Variants in INSC observed in about 807,000 individuals in gnomAD.
INSC encodes the protein INSC spindle orientation adaptor protein.
A neutral mutation model predicts 58.6 loss-of-function variants in INSC; 67 were observed. That is an observed-to-expected ratio of 1.14 (90% CI 0.94 to 1.40). The LOEUF (loss-of-function observed/expected upper bound fraction) is 1.40. INSC is among the 40% of genes most tolerant of loss of function. INSC has a pLI of 0.00. For synonymous variants in INSC, 262 were observed against 276.1 expected (o/e 0.95, Z 0.51); for missense variants, 714 against 692.0 (o/e 1.03, Z -0.36).
the INSC span, among the ~76,000 whole-genome samples, chr11:15,260,679 G>A: frequency 6.6e-6 from 1 of 152,094 alleles, no homozygotes; most frequent in Non-Finnish European, 1.5e-5. Flanking sequence ...TTATATTGAG[G>A]TAATAGAGAT....
In INSC at chr11:15,190,681, A is replaced by C. The variant is rs1337142235; in HGVS notation, c.580-20A>C. The C allele has an allele frequency of 6.4e-7, 1 of 1,564,388 alleles. No homozygotes were observed. Among genetic ancestry groups the C allele is most frequent in the African/African-American group, 1.4e-5 (1 of 73,874 alleles). On this transcript the variant is annotated intron_variant, in intron 5 of 12. Transcript: ENST00000379556. The stretch of plus-strand genomic sequence containing the variant: ...AGAGGTGGTGAGTAACTACTAGCTA[A>C]CTTTTCTCTCTCTTCTTAGGCACTG...
chr11:15,238,393 C>G (rs1162217539), intron 10 of INSC, among the ~76,000 whole-genome samples: 1 of 152,178 alleles, frequency 6.6e-6, no homozygotes, highest in Non-Finnish European at 1.5e-5. Flanking sequence ...CTGGACCTGT[C>G]TCAGAAGCAG....
upstream of INSC, chr11:15,112,524 G>A (rs751017681): frequency 1.2e-6 from 2 of 1,612,596 alleles, no homozygotes; most frequent in African/African-American, 2.7e-5. Flanking sequence ...AGGTGGCTGG[G>A]GTCTATGGGG....
downstream of INSC, among the ~76,000 whole-genome samples, chr11:15,251,124 G>A (rs1015306224): frequency 3.3e-5 from 5 of 152,196 alleles, no homozygotes; most frequent in African/African-American, 4.8e-5. Flanking sequence ...TAATAGCTGT[G>A]AAAACCAGCA....
upstream of INSC, chr11:15,112,425 G>C (rs771671812): frequency 2.7e-6 from 4 of 1,494,830 alleles, no homozygotes; most frequent in South Asian, 5.0e-5. Flanking sequence ...GTTCACAGGG[G>C]CCTCTGTAAG....
Position 15,246,173 on chromosome 11 carries a change from T to A in INSC, c.*133T>A. On this transcript the variant is annotated 3_prime_UTR_variant, in exon 13 of 13. Transcript: ENST00000379556. ...TTAACTTATTTTTGTGTGAAATAAA[T>A]GGAGGACAAAATCTTAGAGCAACAT... 1.0e-6 allele frequency: 1 copy of A among 957,294 alleles called. No individual in the cohort carries two copies. The highest frequency in any genetic ancestry group is 1.5e-6 in the Non-Finnish European group (1 of 662,592). The allele number at this position is 957,294 out of a possible 1,614,324, so 59.3% of individuals were successfully genotyped here.
At chr11:15,151,945 G>A (rs148670460) in intron 2 of INSC, among the ~76,000 whole-genome samples, 250 of 152,258 alleles carry the variant, frequency 1.6e-3, no homozygotes, top group African/African-American at 5.7e-3. Context: ...AGTCAGGGTG[G>A]CAATACTGAT....
intron 8 of INSC, among the ~76,000 whole-genome samples, chr11:15,222,356 A>T (rs1387936616): frequency 6.6e-6 from 1 of 151,894 alleles, no homozygotes; most frequent in Admixed American, 6.6e-5. Context: ...TTTCTCTGGC[A>T]CTCTCTTTGT....
At chr11:15,229,994 TA>T (rs1441318073) in intron 9 of INSC, among the ~76,000 whole-genome samples, 17 of 27,488 alleles carry the variant, frequency 6.2e-4, no homozygotes, top group African/African-American at 2.3e-3. Context: ...TATATATATA[TA>T]TATATATATA....
At chr11:15,197,152 A>G (rs1850401801) in intron 6 of INSC, among the ~76,000 whole-genome samples, 1 of 152,228 alleles carries the variant, frequency 6.6e-6, no homozygotes, top group Admixed American at 6.5e-5. Flanking sequence ...TAAATAATTT[A>G]TTCAAGGTCA....
the INSC span, among the ~76,000 whole-genome samples, chr11:15,266,324 A>G: frequency 2.6e-5 from 4 of 151,992 alleles, no homozygotes; most frequent in Non-Finnish European, 4.4e-5. Context: ...CAGAATAAAA[A>G]CATTTCCAGA....
At chr11:15,177,196 C>T (rs1849602318) in intron 4 of INSC, 33 bp downstream of exon 4, 2 of 1,574,656 alleles carry the variant, frequency 1.3e-6, no homozygotes, top group East Asian at 2.2e-5. Flanking sequence ...CCAGGGTCTG[C>T]CCACCCGACC....
At chr11:15,174,042 C>T (rs1849491123) in intron 2 of INSC, among the ~76,000 whole-genome samples, 1 of 152,192 alleles carries the variant, frequency 6.6e-6, no homozygotes, top group African/African-American at 2.4e-5. Context: ...TTGTCCAACA[C>T]AGCCCCATAG....
intron 2 of INSC, among the ~76,000 whole-genome samples, chr11:15,154,928 T>G (rs905117270): frequency 7.2e-5 from 11 of 152,226 alleles, no homozygotes; most frequent in Non-Finnish European, 1.6e-4. Context: ...GTTTGCCTTG[T>G]GGCTGGGATG....
chr11:15,183,718 G>C (rs1849865116), intron 5 of INSC, among the ~76,000 whole-genome samples: 1 of 152,134 alleles, frequency 6.6e-6, no homozygotes, highest in Admixed American at 6.5e-5. Context: ...AAGAGCCAAA[G>C]ACTCTAAAGG....
Position 15,240,828 on chromosome 11 carries a change from C to T in INSC, c.1470+305C>T, listed in dbSNP as rs554113568. 9.6e-4 allele frequency among the ~76,000 whole-genome samples: 146 copies of T among 152,240 alleles called. 1 individual carries two copies. The highest frequency in any genetic ancestry group is 3.2e-3 in the African/African-American group (133 of 41,546). On this transcript the variant is annotated intron_variant, in intron 12 of 12. Transcript: ENST00000379556. ...AGGTTCCTGTGGAACGCTAGCTGGT[C>T]GTGTCTATGTCATGGTGCCTGCAGA...
the INSC span, among the ~76,000 whole-genome samples, chr11:15,260,671 A>T: frequency 1.3e-5 from 2 of 152,190 alleles, no homozygotes; most frequent in Non-Finnish European, 2.9e-5. Flanking sequence ...TTATTGTGTT[A>T]TATTGAGGTA....
At chr11:15,193,228 A>G (rs1232400250) in intron 6 of INSC, among the ~76,000 whole-genome samples, 1 of 152,246 alleles carries the variant, frequency 6.6e-6, no homozygotes, top group Non-Finnish European at 1.5e-5. Flanking sequence ...AATTATTTAG[A>G]AAAGTGAGTT....
In INSC at chr11:15,231,365, A is replaced by C. The variant is rs150581930; in HGVS notation, c.1171-4237A>C. On this transcript the variant is annotated intron_variant, in intron 9 of 12. Coordinates refer to ENST00000379556, the MANE Select transcript of INSC (RefSeq NM_001042536.3). ...AAGAATTGTCTTGGGCCACACATAA[A>C]ATACACTAACACTAACAACAGCTGA... Among the ~76,000 whole-genome samples the C allele has an allele frequency of 3.1e-3, 467 of 152,300 alleles. 2 individuals are homozygous for C. Among genetic ancestry groups the C allele is most frequent in the Non-Finnish European group, 4.8e-3 (329 of 68,016 alleles).
Sources: gnomAD v4.1 joint callset for allele counts (sites outside exome capture counted in the v4.1 genomes callset) on GRCh38, gnomAD v4.1.1 for gene constraint, MANE v1.5 for transcripts, NCBI Gene and HGNC (gene_info 2026-07-23, HGNC 2026-07-21) for gene names.